The following CENPL variants were observed in gnomAD, a reference collection of about 807,000 sequenced individuals.
CENPL encodes the protein interphase centromere complex protein 33.
CENPL carries 20 observed loss-of-function variants against 35.2 expected under a neutral mutation model. That is an observed-to-expected ratio of 0.57 (90% CI 0.40 to 0.83). The LOEUF (loss-of-function observed/expected upper bound fraction) is 0.83, where lower values mean the gene tolerates loss of function less well. CENPL is among the 40% of genes least tolerant of loss of function. The pLI is 0.00. For synonymous variants in CENPL, 140 were observed against 140.6 expected (o/e 1.00, Z 0.03); for missense variants, 363 against 395.8 (o/e 0.92, Z 0.70).
In CENPL at chr1:173,807,355, A is replaced by G. The variant is rs138099730; in HGVS notation, c.332T>C (p.Val111Ala). 2.5e-6 allele frequency: 4 copies of G among 1,613,698 alleles called. No homozygotes were observed. Among genetic ancestry groups the G allele is most frequent in the African/African-American group, 2.7e-5 (2 of 74,912 alleles). The change falls in exon 4 of 6, where the codon GTG becomes GCG. Residue 111 changes from valine (V) to alanine (A), a missense_variant. Coordinates refer to ENST00000682279, the MANE Select transcript of CENPL (RefSeq NM_001387287.1). ...CACTTTGATGTTGAAGTCTTCTCCC[A>G]CTTCCACAGCAAGTCCTTTTTGCTT... ...AEKQKGLAVEVGEDFNIKVIF... is the reference protein window; with the variant it reads ...AEKQKGLAVEAGEDFNIKVIF...
intron 2 of CENPL, among the ~76,000 whole-genome samples, chr1:173,813,027 T>C (rs942706885): frequency 6.6e-6 from 1 of 152,140 alleles, no homozygotes; most frequent in Non-Finnish European, 1.5e-5. Context: ...TCATGATGCA[T>C]GCACAAGCTT....
intron 4 of CENPL, among the ~76,000 whole-genome samples, chr1:173,804,098 C>A (rs969606526): frequency 3.3e-5 from 5 of 152,112 alleles, no homozygotes; most frequent in Non-Finnish European, 7.4e-5. Context: ...CAAAAAAAAC[C>A]CCTCAACTTT....
At chr1:173,803,945 T>C in intron 4 of CENPL, among the ~76,000 whole-genome samples, 1 of 152,160 alleles carries the variant, frequency 6.6e-6, no homozygotes, top group East Asian at 1.9e-4. Flanking sequence ...GTACTAGGAT[T>C]ATAGGCGTGA....
intron 3 of CENPL, among the ~76,000 whole-genome samples, chr1:173,807,999 A>C (rs1650395832): frequency 6.6e-6 from 1 of 152,240 alleles, no homozygotes; most frequent in Admixed American, 6.5e-5. Context: ...ATCTAGAATA[A>C]GTGTTCAATA....
intron 2 of CENPL, among the ~76,000 whole-genome samples, chr1:173,817,096 C>T (rs936186943): frequency 6.6e-6 from 1 of 152,008 alleles, no homozygotes; most frequent in African/African-American, 2.4e-5. Flanking sequence ...CAAAATCGTG[C>T]CCCTGCACTC....
chr1:173,812,141 G>C (rs1301536524), intron 2 of CENPL, among the ~76,000 whole-genome samples: 1 of 152,124 alleles, frequency 6.6e-6, no homozygotes. Context: ...GCTGAGGCTT[G>C]AGTAGGTAAA....
intron 2 of CENPL, among the ~76,000 whole-genome samples, chr1:173,811,759 CAG>C (rs1650847137): frequency 1.3e-5 from 2 of 152,236 alleles, no homozygotes; most frequent in African/African-American, 2.4e-5. Context: ...ATGCAGAAGA[CAG>C]GTGATTTCTG....
chr1:173,799,902 C>A lies in CENPL; in HGVS notation c.*546G>T, dbSNP rs1649598482. 1 of 152,128 alleles carries A rather than the reference C, an allele frequency of 6.6e-6. No homozygotes were observed. The highest frequency in any genetic ancestry group is 6.6e-5 in the Admixed American group (1 of 15,266). The allele number at this position is 152,128 out of a possible 1,614,324, so 9.4% of individuals were successfully genotyped here. On this transcript the variant is annotated 3_prime_UTR_variant, in exon 6 of 6. Transcript: ENST00000682279. ...TTTGAGGCAGAGTCTCACTTTGTTG[C>A]CCAGGCTGGAGTGCAGTGGTGCAGT...
intron 2 of CENPL, chr1:173,823,509 A>AT (rs1345155127): frequency 6.6e-6 from 1 of 152,226 alleles, no homozygotes; most frequent in Non-Finnish European, 1.5e-5. Flanking sequence ...TAGACAGATG[A>AT]TCACTCTACT....
chr1:173,819,747 A>G (rs1651766186), intron 2 of CENPL, among the ~76,000 whole-genome samples: 1 of 152,068 alleles, frequency 6.6e-6, no homozygotes, highest in African/African-American at 2.4e-5. Context: ...GCTGGAGTGC[A>G]ATGGCGCGAT....
At chr1:173,823,818 C>T (rs1416645026) in intron 2 of CENPL, 108 bp downstream of exon 2, 3 of 152,142 alleles carry the variant, frequency 2.0e-5, no homozygotes, top group African/African-American at 4.8e-5. Context: ...GTGTTAAGCA[C>T]GTAGTGTTTA....
At chr1:173,819,869 GTT>G (rs79692984) in intron 2 of CENPL, among the ~76,000 whole-genome samples, 23 of 143,970 alleles carry the variant, frequency 1.6e-4, no homozygotes, top group African/African-American at 5.1e-4. Context: ...TTTTTTGTTT[GTT>G]TTTTTTTTTG....
intron 5 of CENPL, 137 bp from the exon 6 acceptor site, chr1:173,800,656 A>C (rs1649659394): frequency 1.9e-6 from 1 of 519,402 alleles, no homozygotes; most frequent in Non-Finnish European, 3.5e-6. Context: ...CATGCAATAC[A>C]CTCATTTTTG....
intron 4 of CENPL, among the ~76,000 whole-genome samples, chr1:173,805,824 A>C (rs1650174529): frequency 6.6e-6 from 1 of 151,114 alleles, no homozygotes; most frequent in Non-Finnish European, 1.5e-5. Context: ...CCAGCCTCGG[A>C]CAGCTTACAT....
rs1649914645 is a variant in CENPL at position 173,803,242 on chromosome 1, G to A, written c.684C>T (p.Cys228=). The A allele has an allele frequency of 6.2e-7, 1 of 1,613,910 alleles. No individual in the cohort carries two copies. The highest frequency in any genetic ancestry group is 2.2e-5 in the East Asian group (1 of 44,886). Residue 228 remains cysteine, a synonymous_variant, in exon 5 of 6, where the codon TGC becomes TGT. Coordinates refer to ENST00000682279, the MANE Select transcript of CENPL (RefSeq NM_001387287.1). ...LSWMAAMWTA[C]KMDHYVATTE... ...TAGTAGCCACATAATGGTCCATTTTGCATGCAGTCCACATGGCAGCCATCC... is the reference window on the plus strand; with the variant it reads ...TAGTAGCCACATAATGGTCCATTTTACATGCAGTCCACATGGCAGCCATCC...
rs1018962021 is a variant in CENPL at position 173,811,120 on chromosome 1, C to A, written c.168+12G>T. 6.2e-7 allele frequency: 1 copy of A among 1,606,194 alleles called. No homozygotes were observed. The highest frequency in any genetic ancestry group is 8.5e-7 in the Non-Finnish European group (1 of 1,173,696). ...AATTATTGACTAACACAAAGGGACACAAAAAGCATACCTGCAACTGCGAAC... is the reference window on the plus strand; with the variant it reads ...AATTATTGACTAACACAAAGGGACAAAAAAAGCATACCTGCAACTGCGAAC... On this transcript the variant is annotated intron_variant, in intron 3 of 5. Coordinates refer to ENST00000682279, the MANE Select transcript of CENPL (RefSeq NM_001387287.1).
intron 2 of CENPL, among the ~76,000 whole-genome samples, chr1:173,817,425 C>T (rs1488804233): frequency 1.3e-5 from 2 of 152,184 alleles, no homozygotes; most frequent in Non-Finnish European, 2.9e-5. Context: ...CACTGGTCAT[C>T]AGAGAAATGC....
chr1:173,800,493 T>C lies in CENPL; in HGVS notation c.990A>G (p.Gly330=). The C allele has an allele frequency of 6.7e-7, 1 of 1,486,154 alleles. No individual in the cohort carries two copies. Among genetic ancestry groups the C allele is most frequent in the Non-Finnish European group, 9.4e-7 (1 of 1,067,034 alleles). 92.1% of individuals were successfully genotyped at this position (1,486,154 alleles called of 1,614,324 possible). A position where few individuals can be genotyped will look rare whatever the true frequency, so the allele number is the denominator to read the frequency against. ...IKILCHKYLI[G]VLAYLTELAI... ...CCAGTTCTGTCAAATATGCTAACAC[T>C]CCAATAAGGTATTTATGACACAGAA... Residue 330 remains glycine (G), a synonymous_variant, in exon 6 of 6, where the codon GGA becomes GGG. Transcript: ENST00000682279.
At chr1:173,815,849 A>G (rs978618028) in intron 2 of CENPL, among the ~76,000 whole-genome samples, 1 of 152,184 alleles carries the variant, frequency 6.6e-6, no homozygotes, top group Non-Finnish European at 1.5e-5. Flanking sequence ...CAATCAGGCA[A>G]GAGAAAGAAA....
Sources: gnomAD v4.1 joint callset for allele counts (sites outside exome capture counted in the v4.1 genomes callset) on GRCh38, gnomAD v4.1.1 for gene constraint, MANE v1.5 for transcripts, NCBI Gene and HGNC (gene_info 2026-07-23, HGNC 2026-07-21) for gene names.